MAP4K1: variants seen among roughly 807,000 people sequenced by gnomAD.
MAP4K1 encodes mitogen-activated protein kinase kinase kinase kinase 1, also known as MAPK/ERK kinase kinase kinase 1.
Under a neutral mutation model 122.8 loss-of-function variants are expected in MAP4K1, and 35 were observed. The ratio of observed to expected loss-of-function variants is 0.29; its 90% confidence interval spans 0.22 to 0.38. The LOEUF (loss-of-function observed/expected upper bound fraction) is 0.38. Ranked by LOEUF, MAP4K1 falls within the 10% of genes least tolerant of loss-of-function variation. The pLI, the probability that MAP4K1 is intolerant of heterozygous loss-of-function variation, is 1.00. For synonymous variants in MAP4K1, 412 were observed against 421.3 expected, an observed-to-expected ratio of 0.98 and a Z score of 0.27; for missense variants, 791 against 1,072.6, an observed-to-expected ratio of 0.74 and a Z score of 3.67.
intron 16 of MAP4K1, among the ~76,000 whole-genome samples, chr19:38,606,609 T>C (rs538894254): frequency 6.6e-6 from 1 of 152,136 alleles, no homozygotes; most frequent in African/African-American, 2.4e-5. Context: ...TAAGCCATCA[T>C]TGCACTCCTG....
At position 38,605,637 on chromosome 19, in the gene MAP4K1, G is replaced by A; in HGVS notation, c.1294C>T (p.Pro432Ser). Residue 432 changes from proline (P) to serine (S), a missense_variant, in exon 18 of 31, where the codon CCC (proline) becomes TCC (serine). Physicochemically the swap from Pro to Ser is moderately conservative, Grantham distance 74. Coordinates refer to ENST00000396857, the MANE Select transcript of MAP4K1 (RefSeq NM_001042600.3). The stretch of plus-strand genomic sequence containing the variant: ...CCAGGACGGGGGCTGTTTGGTGGGG[G>A]CCCACTGGCACACCGGACCAGCACC... ...PGVLVRCASG[P>S]PPNSPRPGPP... 6.3e-7 allele frequency: 1 copy of A among 1,595,194 alleles called. No individual in the cohort carries two copies.
intron 20 of MAP4K1, among the ~76,000 whole-genome samples, chr19:38,600,777 T>C (rs1367806473): frequency 2.0e-5 from 3 of 148,822 alleles, no homozygotes; most frequent in African/African-American, 7.4e-5. Flanking sequence ...CTACTTTCAC[T>C]CTCCAACTCA....
intron 16 of MAP4K1, among the ~76,000 whole-genome samples, chr19:38,607,308 C>T (rs1014134993): frequency 2.6e-5 from 4 of 151,998 alleles, no homozygotes; most frequent in African/African-American, 7.3e-5. Context: ...CACCTGTAAT[C>T]GCAGCACTTT....
At chr19:38,601,873 G>T (rs1179185657) in intron 19 of MAP4K1, among the ~76,000 whole-genome samples, 3 of 151,908 alleles carry the variant, frequency 2.0e-5, no homozygotes, top group African/African-American at 7.3e-5. Context: ...TGCTTCCCAA[G>T]TTCAACTGAT....
At chr19:38,603,112 A>G (rs1274230876) in intron 19 of MAP4K1, among the ~76,000 whole-genome samples, 1 of 141,880 alleles carries the variant, frequency 7.0e-6, no homozygotes, top group Non-Finnish European at 1.5e-5. Context: ...GTACATATAT[A>G]CACATGTACA....
chr19:38,610,372 A>ATTTTTTTTT (rs35103992), intron 11 of MAP4K1, among the ~76,000 whole-genome samples: 3 of 76,196 alleles, frequency 3.9e-5, no homozygotes, highest in Non-Finnish European at 7.2e-5. Flanking sequence ...CGCCCAGCTA[A>ATTTTTTTTT]TTTTTTTTTT....
chr19:38,617,284 C>T lies in MAP4K1; in HGVS notation c.248+70G>A. 2.0e-6 allele frequency: 2 copies of T among 982,728 alleles called. No individual in the cohort carries two copies. Among genetic ancestry groups the T allele is most frequent in the Middle Eastern group, 5.9e-4 (2 of 3,374 alleles). The allele number at this position is 982,728 out of a possible 1,614,324, so 60.9% of individuals were successfully genotyped here. A position where few individuals can be genotyped will look rare whatever the true frequency, so the allele number is the denominator to read the frequency against. ...AAGAAAAAAAAAGAACTGAGGGTAC[C>T]CCCATCAAGAAATGGGGACTCCGGG... is the stretch of plus-strand genomic sequence containing the variant. On this transcript the variant is annotated intron_variant, in intron 3 of 30. Transcript: ENST00000396857. This position sits in a 1 kb window ranked among gnomAD's most constrained non-coding sequence, Gnocchi z 4.1.
At chr19:38,596,535 G>A (rs1309181538) in intron 25 of MAP4K1, 49 bp from the exon 26 acceptor site, 2 of 1,423,060 alleles carry the variant, frequency 1.4e-6, no homozygotes, top group South Asian at 1.4e-5. Context: ...TCAGGACGGG[G>A]CCTCAGGGGG....
intron 30 of MAP4K1, among the ~76,000 whole-genome samples, chr19:38,588,209 G>A (rs1404728580): frequency 6.6e-6 from 1 of 152,156 alleles, no homozygotes; most frequent in East Asian, 1.9e-4. Flanking sequence ...GGCTGGAGAT[G>A]TCATGGCCTT....
intron 30 of MAP4K1, among the ~76,000 whole-genome samples, chr19:38,588,419 G>T (rs2145924623): frequency 6.6e-6 from 1 of 152,242 alleles, no homozygotes; most frequent in Middle Eastern, 3.4e-3. Context: ...GGCCGGGCAT[G>T]GTGGCTCATG....
At position 38,605,432 on chromosome 19, in the gene MAP4K1, T is replaced by TG. The variant is rs779053820; in HGVS notation, c.1422dup (p.Lys475GlnfsTer55). 6.2e-7 allele frequency: 1 copy of TG among 1,600,734 alleles called. No individual in the cohort carries two copies. On this transcript the variant is annotated frameshift_variant, in exon 19 of 31. Transcript: ENST00000396857. LOFTEE classifies it high-confidence loss of function. Reference sequence around the variant, plus strand: ...ACCTTTCTCTTCATCTTTTCCTTCTTGGGGGGCAGAAGTGGGGGCTTGTCA... The same window carrying TG: ...ACCTTTCTCTTCATCTTTTCCTTCTTGGGGGGGCAGAAGTGGGGGCTTGTCA...
At position 38,612,657 on chromosome 19, in the gene MAP4K1, C is replaced by T. The variant is rs1267299952; in HGVS notation, c.619G>A (p.Glu207Lys). The T allele has an allele frequency of 6.2e-7, 1 of 1,613,626 alleles. No homozygotes were observed. Among genetic ancestry groups the T allele is most frequent in the South Asian group, 1.1e-5 (1 of 91,070 alleles). The change falls in exon 9 of 31, where the codon GAA becomes AAA. Residue 207 changes from glutamate to lysine, a missense_variant. This residue lies in a region of MAP4K1 where 163 missense variants were observed against 286.1 expected (regional missense o/e 0.57). Coordinates refer to ENST00000396857, the MANE Select transcript of MAP4K1 (RefSeq NM_001042600.3). ...AGCGGTGGCTGTAGCTCGGCCAGTT[C>T]GATGGCCGTGATGCCCAGGGACCAG... ...DIWSLGITAI[E>K]LAELQPPLFD... is the part of the protein sequence containing the mutation.
rs374958550 is a variant in MAP4K1, at chr19:38,611,256, C to G, written c.715G>C (p.Glu239Gln). The change falls in exon 10 of 31, where the codon GAA becomes CAA. Residue 239 changes from glutamate to glutamine, a missense_variant. Glu to Gln is a conservative substitution (Grantham distance 29). Around this residue, in one of 4 missense-constraint regions of MAP4K1, gnomAD observed 303 missense variants for 344.8 expected, o/e 0.88. Coordinates refer to ENST00000396857, the MANE Select transcript of MAP4K1 (RefSeq NM_001042600.3). ...KSGYQPPRLK[E>Q]KGKWSAAFHN... The stretch of plus-strand genomic sequence containing the variant: ...ACTCTCTCGTACCATTTGCCTTTTT[C>G]CTTCAGTCGGGGAGGCTGGTAGCCA... 8.7e-6 allele frequency: 14 copies of G among 1,613,670 alleles called. No individual in the cohort carries two copies. Among genetic ancestry groups the G allele is most frequent in the Non-Finnish European group, 1.2e-5 (14 of 1,179,650 alleles).
In MAP4K1 at chr19:38,616,278, A is replaced by G; in HGVS notation, c.249-19T>C. 1 of 1,595,926 alleles carries G rather than the reference A, an allele frequency of 6.3e-7. No individual in the cohort carries two copies. The highest frequency in any genetic ancestry group is 8.6e-7 in the Non-Finnish European group (1 of 1,166,880). ...CTGCAACCTGCAGTGGTTCAAGAGT[A>G]AGAATAATAATAGCAGTAAATACAT... On this transcript the variant is annotated intron_variant, in intron 3 of 30. Coordinates refer to ENST00000396857, the MANE Select transcript of MAP4K1 (RefSeq NM_001042600.3).
chr19:38,602,449 CATACATATATACACACAT>C (rs996498179), intron 19 of MAP4K1, among the ~76,000 whole-genome samples: 50 of 146,946 alleles, frequency 3.4e-4, no homozygotes, highest in East Asian at 5.8e-4. Flanking sequence ...TACACACACA[CATACATATATACACACAT>C]ATACATATAT....
In MAP4K1 at chr19:38,593,300, C is replaced by T. The variant is rs775989879; in HGVS notation, c.2378G>A (p.Arg793His). 6.2e-6 allele frequency: 10 copies of T among 1,612,006 alleles called. No individual in the cohort carries two copies. Among genetic ancestry groups the T allele is most frequent in the African/African-American group, 1.3e-5 (1 of 74,824 alleles). The change falls in exon 30 of 31, where the codon CGT becomes CAT. Residue 793 changes from arginine to histidine, a missense_variant. Around this residue, in one of 4 missense-constraint regions of MAP4K1, gnomAD observed 267 missense variants for 323.0 expected, o/e 0.83. Coordinates refer to ENST00000396857, the MANE Select transcript of MAP4K1 (RefSeq NM_001042600.3). ...AACATACCTGGGGGAGCCAAGCAGA[C>T]GGAAAGTGAGGGTAGGGTCTCTCAG... ...QELRDPTLTF[R>H]LLGSPRPVVV... is the part of the protein sequence containing the mutation.
rs536069317 is a variant in MAP4K1 at position 38,608,082 on chromosome 19, G to A, written c.1065+30C>T. On this transcript the variant is annotated intron_variant, in intron 14 of 30. Transcript: ENST00000396857. ...CAGTGGCCTCAGGGAAGCAGGCGGTGTGGTGGGGAGTGGGGGGACAGCATC... is the reference window on the plus strand; with the variant it reads ...CAGTGGCCTCAGGGAAGCAGGCGGTATGGTGGGGAGTGGGGGGACAGCATC... 19 of 1,558,780 alleles carry A rather than the reference G, an allele frequency of 1.2e-5. No individual in the cohort carries two copies. In the Middle Eastern group the frequency reaches 5.2e-4, roughly 43 times the overall value.
intron 17 of MAP4K1, 22 bp from the exon 18 acceptor site, chr19:38,605,752 G>T (rs778578044): frequency 6.3e-7 from 1 of 1,596,866 alleles, no homozygotes; most frequent in Non-Finnish European, 8.5e-7. Flanking sequence ...GGAATGGAGC[G>T]TGGGGAAATA....
At chr19:38,601,897 C>T (rs959876666) in intron 19 of MAP4K1, among the ~76,000 whole-genome samples, 3 of 151,872 alleles carry the variant, frequency 2.0e-5, no homozygotes, top group Non-Finnish European at 4.4e-5. Context: ...CATGCCTAAG[C>T]CTTCTGAGTA....
Sources: gnomAD v4.1 joint callset for allele counts (sites outside exome capture counted in the v4.1 genomes callset) on GRCh38, gnomAD v4.1.1 for gene constraint, gnomAD v4.1.1 regional missense constraint, Gnocchi (gnomAD v3.1) non-coding constraint, MANE v1.5 for transcripts, NCBI Gene and HGNC (gene_info 2026-07-23, HGNC 2026-07-21) for gene names.